SNX29: variants seen among roughly 807,000 people sequenced by gnomAD.
SNX29 encodes the protein sorting nexin-29.
In SNX29, 78 loss-of-function variants were observed where a neutral mutation model predicts 102.1. The observed-to-expected ratio is 0.76, with a 90% CI of 0.64 to 0.92. The LOEUF (loss-of-function observed/expected upper bound fraction) is 0.92, where lower values mean the gene tolerates loss of function less well. SNX29 is among the 40% of genes least tolerant of loss of function. SNX29 has a pLI of 0.00. For synonymous variants in SNX29, 580 were observed against 414.5 expected (o/e 1.40, Z -4.85); for missense variants, 1,280 against 1,061.7 (o/e 1.21, Z -2.86).
intron 12 of SNX29, 82 bp downstream of exon 12, chr16:12,126,778 G>T (rs1331617059): frequency 2.0e-6 from 3 of 1,517,008 alleles, no homozygotes; most frequent in Non-Finnish European, 2.7e-6. Flanking sequence ...ACAGATGAGG[G>T]ACATTTTGCT....
chr16:12,332,454 G>A (rs1305077886), intron 15 of SNX29, among the ~76,000 whole-genome samples: 6 of 152,144 alleles, frequency 3.9e-5, no homozygotes, highest in African/African-American at 7.2e-5. Flanking sequence ...TATTGGTGGC[G>A]TTTTAAAAAT....
chr16:12,006,189 C>T (rs1242847134), intron 3 of SNX29, among the ~76,000 whole-genome samples: 2 of 145,980 alleles, frequency 1.4e-5, no homozygotes, highest in Non-Finnish European at 3.0e-5. Flanking sequence ...GGGCAATAGA[C>T]AGAGACCCTG....
chr16:12,543,709 G>A (rs139639040), intron 20 of SNX29, among the ~76,000 whole-genome samples: 81 of 152,326 alleles, frequency 5.3e-4, no homozygotes, highest in Middle Eastern at 3.4e-3. Context: ...TATTAACCAC[G>A]GGAATTAATG....
chr16:12,412,887 A>T (rs774787194), intron 18 of SNX29, among the ~76,000 whole-genome samples: 1 of 152,074 alleles, frequency 6.6e-6, no homozygotes, highest in Non-Finnish European at 1.5e-5. Context: ...AGAGTGGAGG[A>T]ATTGGTGACA....
chr16:12,325,681 A>G (rs996700909), intron 15 of SNX29, among the ~76,000 whole-genome samples: 4 of 152,124 alleles, frequency 2.6e-5, no homozygotes, highest in African/African-American at 7.2e-5. Flanking sequence ...AGAACAAAAG[A>G]ATATACAGAG....
intron 18 of SNX29, among the ~76,000 whole-genome samples, chr16:12,454,212 G>A (rs772468758): frequency 6.6e-5 from 10 of 152,106 alleles, no homozygotes; most frequent in Admixed American, 1.3e-4. Flanking sequence ...TCCAGCAGCC[G>A]CCTTGGGCCA....
Position 12,569,383 on chromosome 16 carries a change from G to C in SNX29, c.*754G>C. 1 of 230,670 alleles carries C rather than the reference G, an allele frequency of 4.3e-6. No individual in the cohort carries two copies. The highest frequency in any genetic ancestry group is 8.6e-6 in the Non-Finnish European group (1 of 116,496). The allele number at this position is 230,670 out of a possible 1,614,324, so 14.3% of individuals were successfully genotyped here. Reference sequence around the variant, plus strand: ...TTGGAGTGGGGGGACTCAGACATCTGGCCCAGCCATCAGCAGCAACCTAGT... The same window carrying C: ...TTGGAGTGGGGGGACTCAGACATCTCGCCCAGCCATCAGCAGCAACCTAGT... On this transcript the variant is annotated 3_prime_UTR_variant, in exon 21 of 21. Transcript: ENST00000566228.
rs760589653 is a variant in SNX29 at position 12,048,393 on chromosome 16, C to T, written c.521C>T (p.Ala174Val). Residue 174 changes from alanine to valine, a missense_variant, in exon 7 of 21, where the codon GCG becomes GTG. By Grantham distance (64) the Ala-to-Val change is moderately conservative. Transcript: ENST00000566228. ...MAAGLNSILF[A>V]INIDNKDLNG... ...GCAGGTCTGAACTCCATACTCTTTG[C>T]GATTAACATCGACAACAAGGATTTG... 2.5e-6 allele frequency: 4 copies of T among 1,613,834 alleles called. No homozygotes were observed. The highest frequency in any genetic ancestry group is 1.1e-5 in the South Asian group (1 of 91,064).
At chr16:12,304,039 G>T (rs766479805) in intron 15 of SNX29, among the ~76,000 whole-genome samples, 1 of 152,208 alleles carries the variant, frequency 6.6e-6, no homozygotes, top group Non-Finnish European at 1.5e-5. Flanking sequence ...CATTGGTAAG[G>T]CAGTTGTTGC....
chr16:11,979,262 G>A (rs1231613522), intron 1 of SNX29, among the ~76,000 whole-genome samples: 10 of 95,232 alleles, frequency 1.1e-4, no homozygotes, highest in African/African-American at 4.3e-4. Flanking sequence ...GCAACAGAGT[G>A]AGACTCAGTC....
intron 12 of SNX29, among the ~76,000 whole-genome samples, chr16:12,127,566 C>T (rs373212178): frequency 6.6e-6 from 1 of 152,022 alleles, no homozygotes; most frequent in African/African-American, 2.4e-5. Flanking sequence ...AGACTACAGG[C>T]GCATGCCACC....
rs75710677 is a variant in SNX29 at position 12,140,430 on chromosome 16, G to T, written c.1595+10672G>T. Among the ~76,000 whole-genome samples, 1,219 of 152,318 alleles carry T rather than the reference G, an allele frequency of 8.0e-3. 17 individuals carry two copies. Among genetic ancestry groups the T allele is most frequent in the African/African-American group, 0.028 (1,163 of 41,568 alleles). On this transcript the variant is annotated intron_variant, in intron 13 of 20. Transcript: ENST00000566228. ...GGTCCCATTCCCCCTGGAGCTGGGG[G>T]TGGCTGGCTTTCCCTCACCTGAACT...
intron 18 of SNX29, among the ~76,000 whole-genome samples, chr16:12,427,347 A>C (rs763796483): frequency 6.6e-6 from 1 of 152,044 alleles, no homozygotes; most frequent in Non-Finnish European, 1.5e-5. Flanking sequence ...GCAACCAATT[A>C]GATGTTTTAA....
intron 14 of SNX29, among the ~76,000 whole-genome samples, chr16:12,273,101 A>G (rs2079139724): frequency 1.3e-5 from 2 of 152,122 alleles, no homozygotes; most frequent in Non-Finnish European, 2.9e-5. Context: ...ATTCAACTCC[A>G]AGTTCATCCT....
chr16:12,321,373 C>T (rs988151552), intron 15 of SNX29, among the ~76,000 whole-genome samples: 2 of 152,190 alleles, frequency 1.3e-5, no homozygotes, highest in African/African-American at 2.4e-5. Context: ...TAGAGAAAAA[C>T]ATCTCAGCCT....
chr16:12,077,134 C>G (rs1209063997), intron 10 of SNX29, among the ~76,000 whole-genome samples: 1 of 152,074 alleles, frequency 6.6e-6, no homozygotes, highest in East Asian at 1.9e-4. Flanking sequence ...CAAAAATTAT[C>G]CAGATGTGGT....
intron 13 of SNX29, among the ~76,000 whole-genome samples, chr16:12,151,804 C>T (rs563973948): frequency 2.6e-5 from 4 of 152,192 alleles, no homozygotes; most frequent in East Asian, 1.9e-4. Flanking sequence ...GGCACGATCT[C>T]GTCTCACTGC....
chr16:12,059,848 T>C (rs1049279700), intron 8 of SNX29, among the ~76,000 whole-genome samples: 1 of 152,196 alleles, frequency 6.6e-6, no homozygotes, highest in Non-Finnish European at 1.5e-5. Context: ...GACGACTCGG[T>C]GCACTTGAGT....
rs554496392 is a variant in SNX29 at position 12,464,213 on chromosome 16, G to C, written c.2038-13506G>C. On this transcript the variant is annotated intron_variant, in intron 18 of 20. Transcript: ENST00000566228. Reference sequence around the variant, plus strand: ...CAGAATTCCCTTCTTTTTTATGGCTGAATATTATTCCATGGCGTGTGTGTG... The same window carrying C: ...CAGAATTCCCTTCTTTTTTATGGCTCAATATTATTCCATGGCGTGTGTGTG... 5.8e-5 allele frequency among the ~76,000 whole-genome samples: 8 copies of C among 137,166 alleles called. No individual in the cohort carries two copies. In the East Asian group the frequency reaches 2.4e-3, roughly 42 times the overall value. The allele number at this position is 137,166 out of a possible 152,430, so 90.0% of individuals were successfully genotyped here.
Sources: gnomAD v4.1 joint callset for allele counts (sites outside exome capture counted in the v4.1 genomes callset) on GRCh38, gnomAD v4.1.1 for gene constraint, MANE v1.5 for transcripts, NCBI Gene and HGNC (gene_info 2026-07-23, HGNC 2026-07-21) for gene names.